The following CALB1 variants were observed in gnomAD, a reference collection of about 807,000 sequenced individuals.
The protein encoded by CALB1 is calbindin 1.
CALB1 carries 16 observed loss-of-function variants against 46.7 expected under a neutral mutation model. The ratio of observed to expected loss-of-function variants is 0.34; its 90% CI spans 0.23 to 0.52. The LOEUF (loss-of-function observed/expected upper bound fraction) is 0.52, where lower values mean the gene tolerates loss of function less well. Among genes scored for constraint, CALB1 ranks in the 20% least tolerant of loss-of-function variants. The pLI is 0.95. For synonymous variants in CALB1, 90 were observed against 112.8 expected (o/e 0.80, Z 1.28); for missense variants, 224 against 300.3 (o/e 0.75, Z 1.88).
At position 90,069,020 on chromosome 8, in the gene CALB1, A is replaced by T. The variant is rs542392741; in HGVS notation, c.350T>A (p.Phe117Tyr). ...TACCTTAAGCTCCTCAGTTTCTATG[A>T]AGCCACTGTGGTCAGTATCATATTT... ...WRKYDTDHSG[F>Y]IETEELKNFL... The change falls in exon 5 of 11, where the codon TTC (phenylalanine) becomes TAC (tyrosine). Residue 117 changes from phenylalanine to tyrosine, a missense_variant. Transcript: ENST00000265431. 2 of 1,612,924 alleles carry T rather than the reference A, an allele frequency of 1.2e-6. No individual in the cohort carries two copies. The highest frequency in any genetic ancestry group is 1.3e-5 in the African/African-American group (1 of 74,876).
intron 2 of CALB1, chr8:90,081,617 G>A: frequency 4.6e-6 from 1 of 218,972 alleles, no homozygotes; most frequent in Non-Finnish European, 7.8e-6. Context: ...TGGTAGAGGT[G>A]GTGATCCGCT....
Position 90,063,096 on chromosome 8 carries a change from T to A in CALB1, c.600+4A>T. 6.3e-7 allele frequency: 1 copy of A among 1,599,644 alleles called. No homozygotes were observed. Among genetic ancestry groups the A allele is most frequent in the Non-Finnish European group, 8.5e-7 (1 of 1,171,174 alleles). ...AAAGAAAGGAAAAAGTAACAAACTT[T>A]TACCTGATCATACAGCTCAAAAGCC... On this transcript the variant is annotated splice_donor_region_variant and intron_variant, in intron 9 of 10. Coordinates refer to ENST00000265431, the MANE Select transcript of CALB1 (RefSeq NM_004929.4).
At chr8:90,070,002 A>G (rs1381295833) in intron 3 of CALB1, among the ~76,000 whole-genome samples, 1 of 149,844 alleles carries the variant, frequency 6.7e-6, no homozygotes, top group Non-Finnish European at 1.5e-5. Context: ...AGAAAAAAGG[A>G]TTCCATATCC....
At position 90,082,857 on chromosome 8, in the gene CALB1, C is replaced by T; in HGVS notation, c.-160G>A. 1 of 671,252 alleles carries T rather than the reference C, an allele frequency of 1.5e-6. No homozygotes were observed. Among genetic ancestry groups the T allele is most frequent in the Non-Finnish European group, 2.7e-6 (1 of 367,344 alleles). The allele number at this position is 671,252 out of a possible 1,614,324, so 41.6% of individuals were successfully genotyped here. On this transcript the variant is annotated 5_prime_UTR_variant, in exon 1 of 11. Coordinates refer to ENST00000265431, the MANE Select transcript of CALB1 (RefSeq NM_004929.4). ...CTGTCCTCGGTGCTGCTCAGCTCAG[C>T]GTTCCTCCAGAGTTCTCTCCCTACA...
At chr8:90,081,403 T>C in intron 2 of CALB1, 1 of 802,262 alleles carries the variant, frequency 1.2e-6, no homozygotes, top group Non-Finnish European at 1.5e-6. Context: ...AGGTTGCAAG[T>C]TGGGCAACTT....
intron 5 of CALB1, among the ~76,000 whole-genome samples, chr8:90,067,337 C>T (rs1814418237): frequency 6.6e-6 from 1 of 152,110 alleles, no homozygotes; most frequent in Non-Finnish European, 1.5e-5. Flanking sequence ...TATTTAGAAT[C>T]TCTTTCTGAG....
Position 90,060,264 on chromosome 8 carries a change from G to A in CALB1, c.695C>T (p.Thr232Ile), listed in dbSNP as rs753991485. Residue 232 changes from threonine (T) to isoleucine (I), a missense_variant, in exon 11 of 11, where the codon ACA becomes ATA. Physicochemically the swap from Thr to Ile is moderately conservative, Grantham distance 89. Transcript: ENST00000265431. ...AGCCATTATGTTCTTCTTGTATGTT[G>A]TAATATTATTAATATCCAGATCCTG... is the stretch of plus-strand genomic sequence containing the variant. ...NKQDLDINNI[T>I]TYKKNIMALS... 6.2e-7 allele frequency: 1 copy of A among 1,603,264 alleles called. No individual in the cohort carries two copies. Among genetic ancestry groups the A allele is most frequent in the East Asian group, 2.2e-5 (1 of 44,790 alleles).
intron 3 of CALB1, among the ~76,000 whole-genome samples, chr8:90,077,224 G>A (rs896088717): frequency 6.6e-6 from 1 of 151,928 alleles, no homozygotes. Flanking sequence ...ATAGTAATGA[G>A]TTACACACGG....
chr8:90,079,695 TCAC>T (rs1378017632), intron 2 of CALB1, among the ~76,000 whole-genome samples: 3 of 151,866 alleles, frequency 2.0e-5, no homozygotes, highest in South Asian at 2.1e-4. Flanking sequence ...AAACATATAA[TCAC>T]CACCAATTAA....
chr8:90,068,206 A>G (rs532375290), intron 5 of CALB1, among the ~76,000 whole-genome samples: 1 of 152,332 alleles, frequency 6.6e-6, no homozygotes, highest in South Asian at 2.1e-4. Flanking sequence ...CTTCACAATA[A>G]GCCTGAGAGG....
intron 3 of CALB1, among the ~76,000 whole-genome samples, chr8:90,076,990 G>C (rs1413314582): frequency 1.3e-5 from 2 of 151,940 alleles, no homozygotes; most frequent in African/African-American, 4.8e-5. Flanking sequence ...TAAATGTAAG[G>C]TGACAGGTTT....
intron 5 of CALB1, among the ~76,000 whole-genome samples, chr8:90,068,662 TTA>T (rs202049394): frequency 2.0e-5 from 3 of 152,116 alleles, no homozygotes; most frequent in Admixed American, 1.3e-4. Context: ...GTAAGAAAAT[TTA>T]TATATATATG....
chr8:90,069,971 T>C (rs1400250380), intron 3 of CALB1, among the ~76,000 whole-genome samples: 2 of 148,818 alleles, frequency 1.3e-5, no homozygotes, highest in African/African-American at 2.5e-5. Context: ...TCAATCCTCC[T>C]CTCTTTTTTT....
At chr8:90,069,864 A>C (rs1814475198) in intron 3 of CALB1, among the ~76,000 whole-genome samples, 2 of 152,186 alleles carry the variant, frequency 1.3e-5, no homozygotes. Context: ...CTTTCTGCTG[A>C]AAGGACATCC....
intron 5 of CALB1, among the ~76,000 whole-genome samples, chr8:90,066,655 G>A (rs1233678826): frequency 6.6e-6 from 1 of 151,792 alleles, no homozygotes; most frequent in Non-Finnish European, 1.5e-5. Context: ...ATGTGGGAAG[G>A]ATGAAAAAAA....
At chr8:90,060,735 CTCCATCTACAG>C in intron 9 of CALB1, 35 bp from the exon 10 acceptor site, 1 of 1,442,452 alleles carries the variant, frequency 6.9e-7, no homozygotes, top group South Asian at 1.1e-5. Flanking sequence ...ATACAACCAA[CTCCATCTACAG>C]TAGTGGGAAA....
Position 90,082,780 on chromosome 8 carries a change from G to A in CALB1, c.-83C>T. 7.4e-7 allele frequency: 1 copy of A among 1,357,852 alleles called. No homozygotes were observed. Among genetic ancestry groups the A allele is most frequent in the Non-Finnish European group, 1.1e-6 (1 of 947,714 alleles). 84.1% of individuals were successfully genotyped at this position (1,357,852 alleles called of 1,614,324 possible). A position where few individuals can be genotyped will look rare whatever the true frequency, so the allele number is the denominator to read the frequency against. On this transcript the variant is annotated 5_prime_UTR_variant, in exon 1 of 11. Transcript: ENST00000265431. ...GGGGGAGTGAGCAAAAGCTCAGCGT[G>A]TGCGCGAGTCAGGGCTGCGGAGGGA...
chr8:90,074,258 ACAGTGTGC>A (rs1430255503), intron 3 of CALB1, among the ~76,000 whole-genome samples: 3 of 152,196 alleles, frequency 2.0e-5, no homozygotes, highest in Non-Finnish European at 4.4e-5. Context: ...TTGAGTTTTT[ACAGTGTGC>A]CAGGGTCAAT....
At chr8:90,065,588 T>C (rs918186418) in intron 6 of CALB1, among the ~76,000 whole-genome samples, 2 of 151,848 alleles carry the variant, frequency 1.3e-5, no homozygotes, top group African/African-American at 2.4e-5. Context: ...GTGTAAGTTA[T>C]ATAATTTAGT....
Sources: gnomAD v4.1 joint callset for allele counts (sites outside exome capture counted in the v4.1 genomes callset) on GRCh38, gnomAD v4.1.1 for gene constraint, MANE v1.5 for transcripts, NCBI Gene and HGNC (gene_info 2026-07-23, HGNC 2026-07-21) for gene names.